Variants in CREB5 observed in about 807,000 individuals in gnomAD.
The protein encoded by CREB5 is cAMP responsive element binding protein 5.
Under a neutral mutation model 57.1 loss-of-function variants are expected in CREB5, and 19 were observed. The observed-to-expected ratio is 0.33, with a 90% CI of 0.23 to 0.49. The LOEUF is 0.49. CREB5 is among the 20% of genes least tolerant of loss of function. The pLI, the probability that CREB5 is intolerant of heterozygous loss-of-function variation, is 0.99. For missense variants in CREB5, 579 were observed against 671.6 expected (o/e 0.86, Z 1.52); for synonymous variants, 238 against 238.3 (o/e 1.00, Z 0.01).
At chr7:28,362,738 G>A (rs909184113) in intron 1 of CREB5, among the ~76,000 whole-genome samples, 12 of 152,212 alleles carry the variant, frequency 7.9e-5, no homozygotes, top group African/African-American at 2.2e-4. Flanking sequence ...CATCCTCATC[G>A]TCCTTGGGTA....
At chr7:28,330,697 A>G (rs1355446819) in intron 1 of CREB5, among the ~76,000 whole-genome samples, 2 of 152,062 alleles carry the variant, frequency 1.3e-5, no homozygotes, top group Non-Finnish European at 2.9e-5. Context: ...AGCAGCACAA[A>G]TTTTTATCAG....
intron 5 of CREB5, among the ~76,000 whole-genome samples, chr7:28,684,605 A>C (rs1800761069): frequency 6.6e-6 from 1 of 152,228 alleles, no homozygotes; most frequent in African/African-American, 2.4e-5. Flanking sequence ...TTCTCCAAAA[A>C]CACAGTTTAG....
chr7:28,458,829 C>T (rs113051333), intron 1 of CREB5, among the ~76,000 whole-genome samples: 5,162 of 152,274 alleles, frequency 0.034, 304 homozygotes, highest in African/African-American at 0.12. Flanking sequence ...GCGCCTGAGA[C>T]ACAGTGGGCC....
chr7:28,350,211 C>T (rs748632707), intron 1 of CREB5, among the ~76,000 whole-genome samples: 4 of 152,164 alleles, frequency 2.6e-5, no homozygotes, highest in Admixed American at 6.5e-5. Context: ...CTCTGATTAT[C>T]TTAAAGATAG....
chr7:28,717,207 C>A (rs930230090), intron 5 of CREB5, among the ~76,000 whole-genome samples: 2 of 148,796 alleles, frequency 1.3e-5, no homozygotes, highest in Non-Finnish European at 3.0e-5. Flanking sequence ...TACAGACGTG[C>A]GCCACCACGC....
chr7:28,682,627 A>G (rs1195977890), intron 5 of CREB5, among the ~76,000 whole-genome samples: 1 of 150,260 alleles, frequency 6.7e-6, no homozygotes, highest in Non-Finnish European at 1.5e-5. Flanking sequence ...TAAAAACAAC[A>G]TTTGAAAGAA....
At chr7:28,373,864 G>T (rs569741591) in intron 1 of CREB5, among the ~76,000 whole-genome samples, 2 of 151,148 alleles carry the variant, frequency 1.3e-5, no homozygotes, top group Non-Finnish European at 2.9e-5. Context: ...ATAAAATGCC[G>T]CCAGTGAACC....
At chr7:28,518,433 TC>T (rs1793067481) in intron 4 of CREB5, among the ~76,000 whole-genome samples, 1 of 152,184 alleles carries the variant, frequency 6.6e-6, no homozygotes, top group African/African-American at 2.4e-5. Context: ...TCCTGCCTTC[TC>T]CCAGCATGAT....
At chr7:28,347,858 G>C (rs1241156149) in intron 1 of CREB5, among the ~76,000 whole-genome samples, 1 of 152,150 alleles carries the variant, frequency 6.6e-6, no homozygotes, top group Non-Finnish European at 1.5e-5. Flanking sequence ...CCAAGAAAAG[G>C]GAGCACATTC....
intron 1 of CREB5, among the ~76,000 whole-genome samples, chr7:28,369,534 G>A (rs1465914106): frequency 6.6e-6 from 1 of 152,222 alleles, no homozygotes; most frequent in African/African-American, 2.4e-5. Context: ...TTCTAGGATT[G>A]TTGTAAGAAT....
intron 4 of CREB5, among the ~76,000 whole-genome samples, chr7:28,560,254 C>G (rs1194190295): frequency 6.6e-6 from 1 of 152,120 alleles, no homozygotes; most frequent in Non-Finnish European, 1.5e-5. Flanking sequence ...GGGGCATGTA[C>G]AGGCAAAGGT....
At chr7:28,662,242 T>G (rs1052490546) in intron 5 of CREB5, among the ~76,000 whole-genome samples, 1 of 152,180 alleles carries the variant, frequency 6.6e-6, no homozygotes, top group African/African-American at 2.4e-5. Context: ...CAGCCTTGAT[T>G]TAAAAGGTGA....
At chr7:28,638,873 A>G (rs772436758) in intron 5 of CREB5, among the ~76,000 whole-genome samples, 14 of 152,220 alleles carry the variant, frequency 9.2e-5, no homozygotes, top group Non-Finnish European at 2.1e-4. Context: ...GATCATAAGT[A>G]GAGAGTACTT....
At chr7:28,439,730 T>G (rs1789106793) in intron 1 of CREB5, among the ~76,000 whole-genome samples, 1 of 152,186 alleles carries the variant, frequency 6.6e-6, no homozygotes, top group South Asian at 2.1e-4. Context: ...TGAAGGAAGC[T>G]ATTCCCAGAT....
intron 8 of CREB5, among the ~76,000 whole-genome samples, chr7:28,806,237 T>A: frequency 6.6e-6 from 1 of 152,234 alleles, no homozygotes; most frequent in East Asian, 1.9e-4. Context: ...ATGCAATTAG[T>A]TAATTGCTAT....
intron 4 of CREB5, among the ~76,000 whole-genome samples, chr7:28,512,148 A>G (rs1244808760): frequency 6.6e-6 from 1 of 152,118 alleles, no homozygotes; most frequent in Non-Finnish European, 1.5e-5. Flanking sequence ...GTTTCTTTTT[A>G]GATTTGCTAA....
intron 4 of CREB5, among the ~76,000 whole-genome samples, chr7:28,542,222 A>G (rs145402669): frequency 1.1e-4 from 17 of 152,330 alleles, no homozygotes; most frequent in Non-Finnish European, 2.2e-4. Context: ...AGAAGGGCAA[A>G]GTAAGTTGCC....
chr7:28,609,486 G>C (rs1797302959), intron 5 of CREB5, among the ~76,000 whole-genome samples: 1 of 152,204 alleles, frequency 6.6e-6, no homozygotes, highest in African/African-American at 2.4e-5. Flanking sequence ...CCCTTAGCCT[G>C]ATGATAAAAG....
intron 5 of CREB5, among the ~76,000 whole-genome samples, chr7:28,691,939 C>G (rs972726930): frequency 6.8e-6 from 1 of 147,566 alleles, no homozygotes; most frequent in Non-Finnish European, 1.5e-5. Context: ...GAGGCCGAGG[C>G]GAGTGGATTG....
Sources: allele counts gnomAD v4.1 joint callset (sites outside exome capture counted in the v4.1 genomes callset), GRCh38; gene constraint gnomAD v4.1.1; transcripts MANE v1.5; gene names NCBI Gene and HGNC (gene_info 2026-07-23, HGNC 2026-07-21).